Variants in MAPKBP1 observed in about 807,000 individuals in gnomAD.
MAPKBP1 encodes mitogen-activated protein kinase-binding protein 1.
A neutral mutation model predicts 170.5 loss-of-function variants in MAPKBP1; 71 were observed. The ratio of observed to expected loss-of-function variants is 0.42; its 90% CI spans 0.34 to 0.51. The LOEUF (loss-of-function observed/expected upper bound fraction) is 0.51. MAPKBP1 is among the 20% of genes least tolerant of loss of function. The pLI is 0.06. For missense variants in MAPKBP1, 1,598 were observed against 1,933.0 expected (o/e 0.83, Z 3.25); for synonymous variants, 719 against 757.9 (o/e 0.95, Z 0.84).
chr15:41,786,775 A>ATATATATATATATATAT (rs1402898570), intron 2 of MAPKBP1, among the ~76,000 whole-genome samples: 4 of 12,450 alleles, frequency 3.2e-4, no homozygotes, highest in African/African-American at 9.2e-4. Flanking sequence ...AAAAAAAAAA[A>ATATATATATATATATAT]AAATATATAT....
chr15:41,822,485 G>A, intron 26 of MAPKBP1, 63 bp downstream of exon 26: 1 of 1,603,942 alleles, frequency 6.2e-7, no homozygotes, highest in South Asian at 1.1e-5. Context: ...TTGCCTACCT[G>A]AGAGGAGGGT....
chr15:41,803,669 C>T (rs1322178081), intron 3 of MAPKBP1, among the ~76,000 whole-genome samples: 5 of 151,518 alleles, frequency 3.3e-5, no homozygotes, highest in Admixed American at 6.6e-5. Flanking sequence ...GAACTATGAT[C>T]GTGCCATTGC....
At chr15:41,792,116 G>A (rs1391126391) in intron 2 of MAPKBP1, among the ~76,000 whole-genome samples, 1 of 149,148 alleles carries the variant, frequency 6.7e-6, no homozygotes, top group Admixed American at 6.8e-5. Flanking sequence ...GTATGAATGA[G>A]CAGTCCTGTC....
At chr15:41,824,297 G>A (rs760983926) in intron 29 of MAPKBP1, among the ~76,000 whole-genome samples, 187 bp from the exon 30 acceptor site, 14 of 152,188 alleles carry the variant, frequency 9.2e-5, no homozygotes, top group Non-Finnish European at 1.5e-4. Context: ...GGGGCTGGCC[G>A]TCTCCTCTGG....
At position 41,818,972 on chromosome 15, in the gene MAPKBP1, T is replaced by G; in HGVS notation, c.2291+15T>G. 1 of 1,612,650 alleles carries G rather than the reference T, an allele frequency of 6.2e-7. No individual in the cohort carries two copies. Among genetic ancestry groups the G allele is most frequent in the South Asian group, 1.1e-5 (1 of 91,074 alleles). On this transcript the variant is annotated intron_variant, in intron 20 of 30. Coordinates refer to ENST00000457542, the MANE Select transcript of MAPKBP1 (RefSeq NM_014994.3). The surrounding 1 kb of genome is among the most constrained non-coding windows in gnomAD (Gnocchi z 5.2). ...GGACCCAACCGGTGAGAACAGAATG[T>G]GGGCAAGTGATGGGTGGGTGTGCAG... is the stretch of plus-strand genomic sequence containing the variant.
At chr15:41,808,628 AC>A (rs2064747916) in intron 3 of MAPKBP1, among the ~76,000 whole-genome samples, 1 of 150,412 alleles carries the variant, frequency 6.6e-6, no homozygotes, top group Non-Finnish European at 1.5e-5. Flanking sequence ...GGTACCCACC[AC>A]CACACCTGGC....
At position 41,815,885 on chromosome 15, in the gene MAPKBP1, A is replaced by C. The variant is rs998462939; in HGVS notation, c.1493+86A>C. ...AACTTTAGGGAGGGTTTGGCTCAAA[A>C]AGATTGGGCAACAAGATACTTATTT... is the stretch of plus-strand genomic sequence containing the variant. On this transcript the variant is annotated intron_variant, in intron 12 of 30. Transcript: ENST00000457542. 4 of 1,368,570 alleles carry C rather than the reference A, an allele frequency of 2.9e-6. No homozygotes were observed. The African/African-American group carries it at 5.8e-5, about 20-fold the overall frequency. 84.8% of individuals were successfully genotyped at this position (1,368,570 alleles called of 1,614,324 possible).
intron 2 of MAPKBP1, among the ~76,000 whole-genome samples, chr15:41,797,072 C>G (rs1378588279): frequency 1.3e-5 from 2 of 152,088 alleles, no homozygotes; most frequent in South Asian, 4.2e-4. Flanking sequence ...GGCCAAAAAA[C>G]TTTGATAAAC....
rs2065040302 is a variant in MAPKBP1, at chr15:41,823,596, G to A, written c.3748G>A (p.Ala1250Thr). The A allele has an allele frequency of 1.9e-6, 3 of 1,614,116 alleles. No homozygotes were observed. Among genetic ancestry groups the A allele is most frequent in the Non-Finnish European group, 2.5e-6 (3 of 1,180,012 alleles). The change falls in exon 29 of 31, where the codon GCC becomes ACC. Residue 1250 changes from alanine to threonine, a missense_variant. Around this residue, in one of 6 missense-constraint regions of MAPKBP1, gnomAD observed 942 missense variants for 953.2 expected, o/e 0.99. Coordinates refer to ENST00000457542, the MANE Select transcript of MAPKBP1 (RefSeq NM_014994.3). ...SYQNPTTSSM[A>T]KISRSISVGE... ...TCAGAACCCCACCACCAGTTCCATGGCCAAGATATCCCGCAGTATCTCTGT... is the reference window on the plus strand; with the variant it reads ...TCAGAACCCCACCACCAGTTCCATGACCAAGATATCCCGCAGTATCTCTGT...
intron 8 of MAPKBP1, 77 bp downstream of exon 8, chr15:41,813,178 C>T: frequency 1.9e-6 from 3 of 1,549,830 alleles, no homozygotes; most frequent in Non-Finnish European, 2.6e-6. Context: ...GGGCTTCAGA[C>T]TAGGGGCTGG....
chr15:41,815,473 G>A, intron 11 of MAPKBP1, 68 bp downstream of exon 11: 1 of 1,591,556 alleles, frequency 6.3e-7, no homozygotes. Flanking sequence ...ATTGCACCTT[G>A]TTACTGGGAA....
At chr15:41,789,208 T>G (rs962678363) in intron 2 of MAPKBP1, among the ~76,000 whole-genome samples, 1 of 152,182 alleles carries the variant, frequency 6.6e-6, no homozygotes, top group Non-Finnish European at 1.5e-5. Flanking sequence ...ATTAGATCCT[T>G]TTGATGACCA....
intron 3 of MAPKBP1, among the ~76,000 whole-genome samples, chr15:41,802,442 C>T (rs2064612436): frequency 6.6e-6 from 1 of 152,076 alleles, no homozygotes; most frequent in African/African-American, 2.4e-5. Context: ...TAGCTTAAAA[C>T]ACAAACACAG....
Position 41,786,968 on chromosome 15 carries a change from C to T in MAPKBP1, c.114+11579C>T, listed in dbSNP as rs114745304. On this transcript the variant is annotated intron_variant, in intron 2 of 30. Transcript: ENST00000457542. Reference sequence around the variant, plus strand: ...GGCTGGAGTGCAGTGGCAGTATCTCCGCTCAGTACAACCTCTGCCTCCCAG... The same window carrying T: ...GGCTGGAGTGCAGTGGCAGTATCTCTGCTCAGTACAACCTCTGCCTCCCAG... 7.8e-3 allele frequency among the ~76,000 whole-genome samples: 1,158 copies of T among 147,580 alleles called. 10 individuals are homozygous for T. The highest frequency in any genetic ancestry group is 0.028 in the African/African-American group (1,113 of 39,850).
In MAPKBP1 at chr15:41,823,908, C is replaced by T. The variant is rs763626042; in HGVS notation, c.4060C>T (p.Gln1354Ter). 6.2e-7 allele frequency: 1 copy of T among 1,614,184 alleles called. No homozygotes were observed. ...GTTPKPRTEC[Q>*]AHPGPSSPCA... ...CACTCCCAAGCCTAGGACAGAGTGC[C>T]AGGCTCATCCTGGGCCCAGCAGCCC... Residue 1354 changes from glutamine to a stop codon, truncating the protein, a stop_gained, in exon 29 of 31, where the codon CAG (glutamine) becomes TAG (stop). Transcript: ENST00000457542. LOFTEE classifies it high-confidence loss of function.
intron 22 of MAPKBP1, among the ~76,000 whole-genome samples, 173 bp downstream of exon 22, chr15:41,819,823 G>A (rs1311199838): frequency 6.6e-6 from 1 of 152,182 alleles, no homozygotes; most frequent in African/African-American, 2.4e-5. Context: ...GGCTGGTCCT[G>A]GGTGCGGGGG....
At chr15:41,810,823 G>A in intron 3 of MAPKBP1, 60 bp from the exon 4 acceptor site, 2 of 1,506,520 alleles carry the variant, frequency 1.3e-6, no homozygotes, top group South Asian at 2.3e-5. Context: ...TGGGTGGCCT[G>A]GAGGGCTCCT....
intron 2 of MAPKBP1, among the ~76,000 whole-genome samples, 178 bp downstream of exon 2, chr15:41,775,567 G>T (rs1441293419): frequency 6.6e-6 from 1 of 152,236 alleles, no homozygotes; most frequent in Non-Finnish European, 1.5e-5. Flanking sequence ...AGCAGCAGGG[G>T]TGGGCATGCT....
chr15:41,819,557 G>GCCC, intron 21 of MAPKBP1, 38 bp from the exon 22 acceptor site: 2 of 1,384,588 alleles, frequency 1.4e-6, no homozygotes, highest in Non-Finnish European at 2.0e-6. Context: ...CGGGGGGGGG[G>GCCC]CAGGAGACAC....
Sources: gnomAD v4.1 joint callset for allele counts (sites outside exome capture counted in the v4.1 genomes callset) on GRCh38, gnomAD v4.1.1 for gene constraint, gnomAD v4.1.1 regional missense constraint, Gnocchi (gnomAD v3.1) non-coding constraint, MANE v1.5 for transcripts, NCBI Gene and HGNC (gene_info 2026-07-23, HGNC 2026-07-21) for gene names.